SLC29A4: variants seen among roughly 807,000 people sequenced by gnomAD.
The protein encoded by SLC29A4 is equilibrative nucleoside transporter 4.
Under a neutral mutation model 43.9 loss-of-function variants are expected in SLC29A4, and 36 were observed. The ratio of observed to expected loss-of-function variants is 0.82; its 90% confidence interval spans 0.63 to 1.08. The LOEUF (loss-of-function observed/expected upper bound fraction) is 1.08, where lower values mean the gene tolerates loss of function less well. SLC29A4 is among the 50% of genes least tolerant of loss of function. The pLI, the probability that SLC29A4 is intolerant of heterozygous loss-of-function variation, is 0.00. For synonymous variants in SLC29A4, 491 were observed against 338.0 expected (o/e 1.45, Z -4.97); for missense variants, 869 against 755.3 (o/e 1.15, Z -1.77).
chr7:5,295,768 A>G (rs542791552), intron 6 of SLC29A4, among the ~76,000 whole-genome samples: 2 of 91,080 alleles, frequency 2.2e-5, no homozygotes, highest in South Asian at 5.3e-4. Flanking sequence ...GAGCTTCCAG[A>G]CTCCCACGTG....
In SLC29A4 at chr7:5,290,875, C is replaced by T. The variant is rs757949735; in HGVS notation, c.301+12C>T. 2 of 1,602,982 alleles carry T rather than the reference C, an allele frequency of 1.2e-6. No homozygotes were observed. The highest frequency in any genetic ancestry group is 1.1e-5 in the South Asian group (1 of 90,028). On this transcript the variant is annotated intron_variant, in intron 3 of 10. Transcript: ENST00000396872. ...TCACAAGTACCCAGGTGGGTCCCTC[C>T]ACGGTCACGCCCAGCCACTCAGCAT...
intron 1 of SLC29A4, among the ~76,000 whole-genome samples, 172 bp downstream of exon 1, chr7:5,283,254 C>T (rs1424746716): frequency 2.0e-5 from 3 of 150,030 alleles, no homozygotes; most frequent in African/African-American, 7.3e-5. Context: ...TCCTGAGCGG[C>T]CCAGCCCCCC....
Position 5,290,751 on chromosome 7 carries a change from C to G in SLC29A4, c.189C>G (p.Pro63=). The G allele has an allele frequency of 6.2e-7, 1 of 1,612,660 alleles. No homozygotes were observed. Among genetic ancestry groups the G allele is most frequent in the Non-Finnish European group, 8.5e-7 (1 of 1,179,012 alleles). ...FTDTTLDEPV[P]DDRYHAIYFA... is the part of the protein sequence containing the mutation. ...CTTTAGCATTGGACGAGCCAGTGCCCGATGACCGTTATCACGCCATCTACT... is the reference window on the plus strand; with the variant it reads ...CTTTAGCATTGGACGAGCCAGTGCCGGATGACCGTTATCACGCCATCTACT... The change falls in exon 3 of 11, where the codon CCC becomes CCG. Residue 63 remains proline (P), a synonymous_variant. Transcript: ENST00000396872.
rs1325816716 is a variant in SLC29A4 at position 5,306,812 on chromosome 7, TTTC to T, written c.*3876_*3878del. The T allele has an allele frequency of 1.3e-5, 2 of 151,712 alleles. No individual in the cohort carries two copies. Among genetic ancestry groups the T allele is most frequent in the Admixed American group, 6.6e-5 (1 of 15,264 alleles). 9.4% of individuals were successfully genotyped at this position (151,712 alleles called of 1,614,324 possible). On this transcript the variant is annotated 3_prime_UTR_variant, in exon 11 of 11. Transcript: ENST00000396872. Reference sequence around the variant, plus strand: ...CAATTTTATTTTTCCAATTAAATCTTTTCTTTTTTTTTATGAAAAAAGATCACA... The same window carrying T: ...CAATTTTATTTTTCCAATTAAATCTTTTTTTTTTTATGAAAAAAGATCACA...
intron 2 of SLC29A4, among the ~76,000 whole-genome samples, chr7:5,288,298 C>CTGTTTTTT (rs1322169694): frequency 1.5e-5 from 1 of 68,756 alleles, no homozygotes; most frequent in African/African-American, 5.9e-5. Context: ...CGTACAGCTT[C>CTGTTTTTT]TTTTTTTTTT....
intron 1 of SLC29A4, among the ~76,000 whole-genome samples, chr7:5,287,202 T>C (rs1257141723): frequency 3.3e-5 from 5 of 151,414 alleles, no homozygotes; most frequent in African/African-American, 7.3e-5. Flanking sequence ...GAGGCAGGAG[T>C]TGGAGTTGGA....
At chr7:5,288,288 C>T (rs1454337033) in intron 2 of SLC29A4, among the ~76,000 whole-genome samples, 6 of 145,102 alleles carry the variant, frequency 4.1e-5, no homozygotes, top group African/African-American at 1.0e-4. Flanking sequence ...TGCGCTGACC[C>T]GTACAGCTTC....
At chr7:5,291,483 C>G (rs1015800678) in intron 4 of SLC29A4, among the ~76,000 whole-genome samples, 1 of 152,246 alleles carries the variant, frequency 6.6e-6, no homozygotes, top group African/African-American at 2.4e-5. Context: ...TTCCTCTGCA[C>G]GGCAACATCC....
chr7:5,290,605 G>A, intron 2 of SLC29A4, 127 bp from the exon 3 acceptor site: 1 of 1,261,642 alleles, frequency 7.9e-7, no homozygotes, highest in South Asian at 1.5e-5. Flanking sequence ...GGAACAGAGG[G>A]GAGCAGGGGT....
intron 10 of SLC29A4, among the ~76,000 whole-genome samples, chr7:5,302,448 T>C (rs1786233832): frequency 1.3e-5 from 2 of 151,976 alleles, no homozygotes; most frequent in Non-Finnish European, 2.9e-5. Flanking sequence ...GAGGCTGAAG[T>C]GGGAGGATCG....
rs114275416 is a variant in SLC29A4, at chr7:5,288,200, C to T, written c.169+215C>T. Among the ~76,000 whole-genome samples, 1,468 of 152,044 alleles carry T rather than the reference C, an allele frequency of 9.7e-3. 28 individuals are homozygous for T. The highest frequency in any genetic ancestry group is 0.034 in the African/African-American group (1,400 of 41,462). Reference sequence around the variant, plus strand: ...TGCATGTCCCTGCTGGGGGCCCTGCCGACAGCCCCAGGCAGAGGAGGCTCT... The same window carrying T: ...TGCATGTCCCTGCTGGGGGCCCTGCTGACAGCCCCAGGCAGAGGAGGCTCT... On this transcript the variant is annotated intron_variant, in intron 2 of 10. Coordinates refer to ENST00000396872, the MANE Select transcript of SLC29A4 (RefSeq NM_153247.4).
intron 10 of SLC29A4, among the ~76,000 whole-genome samples, chr7:5,301,897 C>T (rs889526354): frequency 2.0e-5 from 3 of 152,148 alleles, no homozygotes; most frequent in Non-Finnish European, 1.5e-5. Context: ...TCCAGGTGCC[C>T]ATGGGACATC....
intron 2 of SLC29A4, among the ~76,000 whole-genome samples, chr7:5,288,349 G>A (rs1468171768): frequency 9.7e-5 from 11 of 113,972 alleles, no homozygotes; most frequent in Non-Finnish European, 1.3e-4. Flanking sequence ...TCTGTCACCC[G>A]GCTGGAGTGC....
chr7:5,295,558 G>A (rs921210383), intron 6 of SLC29A4, among the ~76,000 whole-genome samples: 8 of 152,226 alleles, frequency 5.3e-5, no homozygotes, highest in Non-Finnish European at 1.0e-4. Context: ...CACTGGCCCC[G>A]GGTACCGGCA....
intron 2 of SLC29A4, among the ~76,000 whole-genome samples, chr7:5,289,119 C>G (rs764940397): frequency 6.6e-6 from 1 of 152,104 alleles, no homozygotes; most frequent in Admixed American, 6.5e-5. Flanking sequence ...GGCTAAGGCT[C>G]GGCACGGTGG....
At chr7:5,302,754 G>A (rs1283722246) in intron 10 of SLC29A4, 43 bp from the exon 11 acceptor site, 2 of 1,528,270 alleles carry the variant, frequency 1.3e-6, no homozygotes, top group African/African-American at 1.4e-5. Context: ...GCCACCAGGT[G>A]GCCGCCCTGG....
In SLC29A4 at chr7:5,291,113, G is replaced by A. The variant is rs770162183; in HGVS notation, c.302-11G>A. 7 of 1,613,090 alleles carry A rather than the reference G, an allele frequency of 4.3e-6. No homozygotes were observed. Among genetic ancestry groups the A allele is most frequent in the Middle Eastern group, 1.8e-4 (1 of 5,684 alleles). On this transcript the variant is annotated splice_polypyrimidine_tract_variant and intron_variant, in intron 3 of 10. Coordinates refer to ENST00000396872, the MANE Select transcript of SLC29A4 (RefSeq NM_153247.4). ...CCTCCCTGAGCACCTGCTGTCTCTG[G>A]CCCTCTGCAGGGACCTCCATCGTGT...
rs1434289992 is a variant in SLC29A4 at position 5,305,420 on chromosome 7, C to T, written c.*2481C>T. 2 of 152,384 alleles carry T rather than the reference C, an allele frequency of 1.3e-5. No individual in the cohort carries two copies. The highest frequency in any genetic ancestry group is 4.8e-5 in the African/African-American group (2 of 41,478). 9.4% of individuals were successfully genotyped at this position (152,384 alleles called of 1,614,324 possible). A position where few individuals can be genotyped will look rare whatever the true frequency, so the allele number is the denominator to read the frequency against. On this transcript the variant is annotated 3_prime_UTR_variant, in exon 11 of 11. Coordinates refer to ENST00000396872, the MANE Select transcript of SLC29A4 (RefSeq NM_153247.4). ...AGTCACTGGGCAGCCAGACCCCCACCTATAGCTTCCCTAGGCCCCAGTGCA... is the reference window on the plus strand; with the variant it reads ...AGTCACTGGGCAGCCAGACCCCCACTTATAGCTTCCCTAGGCCCCAGTGCA...
rs559051919 is a variant in SLC29A4 at position 5,298,518 on chromosome 7, G to A, written c.883-470G>A. On this transcript the variant is annotated intron_variant, in intron 7 of 10. Coordinates refer to ENST00000396872, the MANE Select transcript of SLC29A4 (RefSeq NM_153247.4). ...TCAGAAGTGTGAGAGAGAGCCAGGC[G>A]CAGTGGCTCACACCTGCAATCCCAG... Among the ~76,000 whole-genome samples the A allele has an allele frequency of 1.8e-4, 27 of 152,238 alleles. 1 individual carries two copies. Among genetic ancestry groups the A allele is most frequent in the East Asian group, 3.9e-4 (2 of 5,180 alleles).
Sources: allele counts gnomAD v4.1 joint callset (sites outside exome capture counted in the v4.1 genomes callset), GRCh38; gene constraint gnomAD v4.1.1; transcripts MANE v1.5; gene names NCBI Gene and HGNC (gene_info 2026-07-23, HGNC 2026-07-21).